BCL6: variants seen among roughly 807,000 people sequenced by gnomAD.
BCL6 encodes BCL6 transcription repressor.
A neutral mutation model predicts 59.5 loss-of-function variants in BCL6; 7 were observed. The ratio of observed to expected loss-of-function variants is 0.12; its 90% CI spans 0.07 to 0.22. The LOEUF is 0.22. BCL6 is among the 10% of genes least tolerant of loss of function. BCL6 has a pLI of 1.00. For synonymous variants in BCL6, 339 were observed against 349.7 expected (o/e 0.97, Z 0.34); for missense variants, 685 against 939.4 (o/e 0.73, Z 3.54).
intron 1 of BCL6, among the ~76,000 whole-genome samples, chr3:187,744,732 A>G (rs1711813290): frequency 1.3e-5 from 2 of 152,156 alleles, no homozygotes; most frequent in South Asian, 2.1e-4. Flanking sequence ...TCCCGGAGTT[A>G]CCCAGAAGGA....
At chr3:187,744,000 A>T (rs1579830980) in intron 1 of BCL6, among the ~76,000 whole-genome samples, 1 of 152,226 alleles carries the variant, frequency 6.6e-6, no homozygotes, top group African/African-American at 2.4e-5. Context: ...TCTTGCACAT[A>T]AGGAACGCGG....
intron 1 of BCL6, among the ~76,000 whole-genome samples, chr3:187,741,460 G>A (rs1711589417): frequency 6.6e-6 from 1 of 152,124 alleles, no homozygotes; most frequent in Admixed American, 6.5e-5. Flanking sequence ...GCCGAGTGCT[G>A]GATCCCACTC....
At chr3:187,743,708 C>T (rs1711709454) in intron 1 of BCL6, among the ~76,000 whole-genome samples, 1 of 151,890 alleles carries the variant, frequency 6.6e-6, no homozygotes, top group Non-Finnish European at 1.5e-5. Context: ...AGCGGGGTGG[C>T]CCCTAGCTCC....
chr3:187,729,523 G>T lies in BCL6; in HGVS notation c.882C>A (p.Phe294Leu), dbSNP rs1156748714. ...CTTCTTTGCTGGCCTTGTCACAAGG[G>T]AAGTAGGGGGCATTTCGGGCTGAGG... The part of the protein sequence containing the change: ...AAPSARNAPY[F>L]PCDKASKEEE... The change falls in exon 5 of 10, where the codon TTC becomes TTA. Residue 294 changes from phenylalanine to leucine, a missense_variant. Coordinates refer to ENST00000406870, the MANE Select transcript of BCL6 (RefSeq NM_001706.5). The surrounding 1 kb of genome is among the most constrained non-coding windows in gnomAD (Gnocchi z 5.6). The T allele has an allele frequency of 1.9e-6, 3 of 1,613,736 alleles. No individual in the cohort carries two copies. The African/African-American group carries it at 4.0e-5, about 22-fold the overall frequency.
chr3:187,745,171 T>G (rs182829198), intron 1 of BCL6, among the ~76,000 whole-genome samples: 2 of 152,144 alleles, frequency 1.3e-5, no homozygotes, highest in East Asian at 1.9e-4. Context: ...GGGAGAGACG[T>G]GGGACTAATC....
At chr3:187,742,754 T>C (rs945847020) in intron 1 of BCL6, among the ~76,000 whole-genome samples, 3 of 152,210 alleles carry the variant, frequency 2.0e-5, no homozygotes, top group African/African-American at 7.2e-5. Flanking sequence ...GCCCATCTCC[T>C]GGTACTTGTT....
At chr3:187,732,694 G>A (rs746491332) in intron 3 of BCL6, among the ~76,000 whole-genome samples, 10 of 152,310 alleles carry the variant, frequency 6.6e-5, no homozygotes, top group Middle Eastern at 3.4e-3. Context: ...CTTCAAAGTA[G>A]GAGGAACAAT....
At chr3:187,743,507 A>C (rs1711697190) in intron 1 of BCL6, among the ~76,000 whole-genome samples, 1 of 152,016 alleles carries the variant, frequency 6.6e-6, no homozygotes, top group Admixed American at 6.5e-5. Context: ...AGAAGGGAAC[A>C]CAACACAGAG....
At chr3:187,728,757 A>G (rs1186778362) in intron 5 of BCL6, among the ~76,000 whole-genome samples, 1 of 152,082 alleles carries the variant, frequency 6.6e-6, no homozygotes. Flanking sequence ...CGCAGCCCAC[A>G]ATCTCTCTCA....
At chr3:187,744,974 A>AC (rs529107015) in intron 1 of BCL6, among the ~76,000 whole-genome samples, 19 of 150,342 alleles carry the variant, frequency 1.3e-4, no homozygotes, top group South Asian at 2.1e-4. Flanking sequence ...AGCCCGAATC[A>AC]CCCCCCAAGC....
chr3:187,739,720 A>G (rs1032726007), intron 1 of BCL6, among the ~76,000 whole-genome samples: 2 of 152,134 alleles, frequency 1.3e-5, no homozygotes, highest in African/African-American at 4.8e-5. Context: ...CCCGAAGACA[A>G]TGCCAGCAAA....
At position 187,732,065 on chromosome 3, in the gene BCL6, T is replaced by C. The variant is rs1054936544; in HGVS notation, c.162-135A>G. On this transcript the variant is annotated intron_variant, in intron 3 of 9. Coordinates refer to ENST00000406870, the MANE Select transcript of BCL6 (RefSeq NM_001706.5). ...ACGGTAATTAATAATAGCTGCTATTTATGGAGAGCTTACCAAATGTCAGGA... is the reference window on the plus strand; with the variant it reads ...ACGGTAATTAATAATAGCTGCTATTCATGGAGAGCTTACCAAATGTCAGGA... 9 of 732,292 alleles carry C rather than the reference T, an allele frequency of 1.2e-5. No individual in the cohort carries two copies. In the Middle Eastern group the frequency reaches 1.1e-3, roughly 91 times the overall value. 45.4% of individuals were successfully genotyped at this position (732,292 alleles called of 1,614,324 possible). A position where few individuals can be genotyped will look rare whatever the true frequency, so the allele number is the denominator to read the frequency against.
intron 1 of BCL6, among the ~76,000 whole-genome samples, chr3:187,745,149 A>C (rs553463616): frequency 3.3e-5 from 5 of 152,160 alleles, no homozygotes; most frequent in South Asian, 2.1e-4. Flanking sequence ...ATAACAATCT[A>C]TATCCTATGG....
chr3:187,729,587 A>C lies in BCL6; in HGVS notation c.818T>G (p.Met273Arg). The C allele has an allele frequency of 6.2e-7, 1 of 1,614,126 alleles. No homozygotes were observed. Among genetic ancestry groups the C allele is most frequent in the Non-Finnish European group, 8.5e-7 (1 of 1,180,020 alleles). The stretch of plus-strand genomic sequence containing the variant: ...GAGGCCCTCAGCCACACTGTAGTGC[A>C]TATCACTTCGTGCCTCTTCTGGGAT... ...ETIPEEARSD[M>R]HYSVAEGLKP... The change falls in exon 5 of 10, where the codon ATG becomes AGG. Residue 273 changes from methionine (M) to arginine (R), a missense_variant. Transcript: ENST00000406870. This position sits in a 1 kb window ranked among gnomAD's most constrained non-coding sequence, Gnocchi z 5.6.
chr3:187,732,477 C>A, intron 3 of BCL6: 1 of 242,842 alleles, frequency 4.1e-6, no homozygotes. Context: ...CTTGAAGACC[C>A]AACTCAAACC....
chr3:187,733,380 G>T, intron 3 of BCL6, 153 bp downstream of exon 3: 1 of 819,874 alleles, frequency 1.2e-6, no homozygotes. Context: ...ATTCACTTGG[G>T]AGCCTACTGT....
At chr3:187,745,032 C>G (rs185069597) in intron 1 of BCL6, among the ~76,000 whole-genome samples, 8 of 152,054 alleles carry the variant, frequency 5.3e-5, no homozygotes, top group Middle Eastern at 3.4e-3. Context: ...CCCCTCCTTC[C>G]TCTCCTCCAC....
chr3:187,728,568 C>T (rs368881691), intron 5 of BCL6, 24 bp from the exon 6 acceptor site: 8 of 1,585,960 alleles, frequency 5.0e-6, no homozygotes, highest in South Asian at 3.4e-5. Context: ...TAAAAACAGC[C>T]TCAGCACCTG....
At chr3:187,740,875 G>A (rs1355768796) in intron 1 of BCL6, among the ~76,000 whole-genome samples, 1 of 152,258 alleles carries the variant, frequency 6.6e-6, no homozygotes, top group African/African-American at 2.4e-5. Flanking sequence ...AGGCCTTTCT[G>A]ATTTTCATCC....
Sources: gnomAD v4.1 joint callset for allele counts (sites outside exome capture counted in the v4.1 genomes callset) on GRCh38, gnomAD v4.1.1 for gene constraint, Gnocchi (gnomAD v3.1) non-coding constraint, MANE v1.5 for transcripts, NCBI Gene and HGNC (gene_info 2026-07-23, HGNC 2026-07-21) for gene names.